Variants in OGDH observed in about 807,000 individuals in gnomAD.
OGDH encodes the protein 2-oxoglutarate dehydrogenase complex component E1.
OGDH carries 38 observed loss-of-function variants against 116.6 expected under a neutral mutation model. The observed-to-expected ratio is 0.33, with a 90% CI of 0.25 to 0.43. The LOEUF (loss-of-function observed/expected upper bound fraction) is 0.43, where lower values mean the gene tolerates loss of function less well. Ranked by LOEUF, OGDH falls within the 20% of genes least tolerant of loss-of-function variation. The pLI, the probability that OGDH is intolerant of heterozygous loss-of-function variation, is 1.00. For missense variants in OGDH, 825 were observed against 1,357.2 expected (o/e 0.61, Z 6.16); for synonymous variants, 488 against 533.3 (o/e 0.92, Z 1.17).
At chr7:44,639,248 C>T (rs1488841863) in intron 2 of OGDH, among the ~76,000 whole-genome samples, 2 of 152,100 alleles carry the variant, frequency 1.3e-5, no homozygotes, top group Non-Finnish European at 2.9e-5. Context: ...GAAGAGGTAT[C>T]TCCTTGGGGA....
chr7:44,616,692 T>C (rs192458612), intron 1 of OGDH, among the ~76,000 whole-genome samples: 15 of 146,624 alleles, frequency 1.0e-4, no homozygotes, highest in African/African-American at 2.8e-4. Flanking sequence ...CATATGTATA[T>C]GTATATATAT....
intron 2 of OGDH, among the ~76,000 whole-genome samples, chr7:44,629,041 A>G (rs1264234258): frequency 3.3e-5 from 5 of 152,178 alleles, no homozygotes; most frequent in Admixed American, 3.3e-4. Flanking sequence ...CTGGGCTGTC[A>G]GCCTATGAAA....
At chr7:44,637,912 C>T (rs888105473) in intron 2 of OGDH, among the ~76,000 whole-genome samples, 1 of 152,158 alleles carries the variant, frequency 6.6e-6, no homozygotes, top group African/African-American at 2.4e-5. Context: ...GTAAGAACTT[C>T]ATCAGAATCC....
Position 44,694,352 on chromosome 7 carries a change from C to A in OGDH, c.1516-72C>A. 6.4e-7 allele frequency: 1 copy of A among 1,567,176 alleles called. No individual in the cohort carries two copies. Among genetic ancestry groups the A allele is most frequent in the Non-Finnish European group, 8.7e-7 (1 of 1,153,554 alleles). The stretch of plus-strand genomic sequence containing the variant: ...TGGCCATCACCTAGGAGAGATGGGG[C>A]AGGTGCCTGAACAGCACTTCTTCCC... On this transcript the variant is annotated intron_variant, in intron 11 of 22. Transcript: ENST00000222673. The surrounding 1 kb of genome is among the most constrained non-coding windows in gnomAD (Gnocchi z 4.2).
At chr7:44,693,792 G>T in intron 10 of OGDH, 33 bp from the exon 11 acceptor site, 1 of 1,536,298 alleles carries the variant, frequency 6.5e-7, no homozygotes, top group Non-Finnish European at 8.8e-7. Context: ...GCTGTGCCAG[G>T]TGCCCTCTTG....
chr7:44,627,237 C>T (rs1294505715), intron 2 of OGDH, among the ~76,000 whole-genome samples: 7 of 152,198 alleles, frequency 4.6e-5, no homozygotes, highest in African/African-American at 9.7e-5. Context: ...CCTCGTGATC[C>T]GCCTGCCTTG....
chr7:44,627,557 T>C (rs545311081), intron 2 of OGDH, among the ~76,000 whole-genome samples: 4 of 152,360 alleles, frequency 2.6e-5, no homozygotes, highest in Admixed American at 1.3e-4. Context: ...TCCGTACTTA[T>C]TTTCAGAGAG....
chr7:44,695,860 T>A (rs1788558818), intron 12 of OGDH, among the ~76,000 whole-genome samples, 165 bp from the exon 13 acceptor site: 3 of 152,050 alleles, frequency 2.0e-5, no homozygotes, highest in African/African-American at 7.2e-5. Context: ...GGCTGAGATG[T>A]TTTGCATCCA....
chr7:44,687,122 G>T (rs1443683318), intron 10 of OGDH, among the ~76,000 whole-genome samples: 1 of 136,692 alleles, frequency 7.3e-6, no homozygotes, highest in Non-Finnish European at 1.5e-5. Flanking sequence ...TTCTGAGATG[G>T]AGTCTGGCTC....
At chr7:44,671,435 C>G (rs1787446804) in intron 5 of OGDH, among the ~76,000 whole-genome samples, 1 of 152,176 alleles carries the variant, frequency 6.6e-6, no homozygotes, top group Non-Finnish European at 1.5e-5. Flanking sequence ...CAAATTTCAT[C>G]AGGAGGTTTG....
rs756886406 is a variant in OGDH, at chr7:44,696,034, T to G, written c.1678T>G (p.Ser560Ala). ...VNQPEYEEEI[S>A]KYDKICEEAF... ...GTGCCCAACCCTCCAGGAGGAAATT[T>G]CCAAGTATGATAAGATCTGTGAGGA... Residue 560 changes from serine to alanine, a missense_variant, in exon 13 of 23, where the codon TCC (serine) becomes GCC (alanine). Around this residue, in one of 7 missense-constraint regions of OGDH, gnomAD observed 146 missense variants for 317.3 expected, o/e 0.46. Coordinates refer to ENST00000222673, the MANE Select transcript of OGDH (RefSeq NM_002541.4). 1 of 1,606,286 alleles carries G rather than the reference T, an allele frequency of 6.2e-7. No homozygotes were observed. The highest frequency in any genetic ancestry group is 8.5e-7 in the Non-Finnish European group (1 of 1,172,986).
chr7:44,624,280 CT>C (rs1785112530), intron 1 of OGDH, 36 bp from the exon 2 acceptor site: 3 of 1,382,646 alleles, frequency 2.2e-6, no homozygotes, highest in Non-Finnish European at 2.0e-6. Context: ...TTTTTAAAAC[CT>C]TTCTTTCTTG....
chr7:44,609,134 A>T (rs1385524939), intron 1 of OGDH, among the ~76,000 whole-genome samples: 1 of 152,098 alleles, frequency 6.6e-6, no homozygotes, highest in Non-Finnish European at 1.5e-5. Flanking sequence ...AAAAGGATTC[A>T]TAGAGCCTTT....
At chr7:44,629,213 A>G (rs1462679471) in intron 2 of OGDH, among the ~76,000 whole-genome samples, 1 of 150,724 alleles carries the variant, frequency 6.6e-6, no homozygotes, top group Non-Finnish European at 1.5e-5. Context: ...TGTTGATCTC[A>G]TTTTGTTTTG....
chr7:44,683,590 T>C (rs892619105), intron 10 of OGDH, among the ~76,000 whole-genome samples: 12 of 152,212 alleles, frequency 7.9e-5, no homozygotes, highest in African/African-American at 2.9e-4. Flanking sequence ...GACGTTCTCT[T>C]TCTTTAAGAA....
intron 10 of OGDH, among the ~76,000 whole-genome samples, chr7:44,692,275 T>C (rs1366470962): frequency 1.3e-5 from 2 of 152,158 alleles, no homozygotes; most frequent in Admixed American, 1.3e-4. Flanking sequence ...AACAGGAGAA[T>C]GGATAAATAC....
In OGDH at chr7:44,671,010, C is replaced by CAA. The variant is rs111818473; in HGVS notation, c.634-2760_634-2759dup. 6.9e-4 allele frequency among the ~76,000 whole-genome samples: 47 copies of CAA among 68,528 alleles called. 1 individual carries two copies. The highest frequency in any genetic ancestry group is 1.3e-3 in the Non-Finnish European group (36 of 27,586). The allele number at this position is 68,528 out of a possible 152,430, so 45.0% of individuals were successfully genotyped here. A position where few individuals can be genotyped will look rare whatever the true frequency, so the allele number is the denominator to read the frequency against. On this transcript the variant is annotated intron_variant, in intron 5 of 22. Coordinates refer to ENST00000222673, the MANE Select transcript of OGDH (RefSeq NM_002541.4). Reference sequence around the variant, plus strand: ...TGGGCAACAGAGCAAGACTCCATCTCAAAAAAAAAAAAAAAAAAGAAAAGA... The same window carrying CAA: ...TGGGCAACAGAGCAAGACTCCATCTCAAAAAAAAAAAAAAAAAAAAGAAAAGA...
intron 20 of OGDH, among the ~76,000 whole-genome samples, chr7:44,706,056 C>T (rs2116431300): frequency 6.6e-6 from 1 of 152,284 alleles, no homozygotes; most frequent in Non-Finnish European, 1.5e-5. Flanking sequence ...GATTCTCCCA[C>T]CAAAGCCTCC....
chr7:44,661,311 C>T (rs1049298994), intron 4 of OGDH, among the ~76,000 whole-genome samples: 2 of 151,934 alleles, frequency 1.3e-5, no homozygotes, highest in Admixed American at 6.6e-5. Context: ...GCATTTTTTC[C>T]TCCCTTTACT....
Sources: allele counts gnomAD v4.1 joint callset (sites outside exome capture counted in the v4.1 genomes callset), GRCh38; gene constraint gnomAD v4.1.1; regional missense constraint gnomAD v4.1.1; non-coding constraint Gnocchi (gnomAD v3.1); transcripts MANE v1.5; gene names NCBI Gene and HGNC (gene_info 2026-07-23, HGNC 2026-07-21).